The following EPB41L4B variants were observed in gnomAD, a reference collection of about 807,000 sequenced individuals.
The protein encoded by EPB41L4B is band 4.1-like protein 4B.
EPB41L4B carries 30 observed loss-of-function variants against 112.5 expected under a neutral mutation model. The ratio of observed to expected loss-of-function variants is 0.27; its 90% confidence interval spans 0.20 to 0.36. EPB41L4B has a LOEUF of 0.36. EPB41L4B is among the 10% of genes least tolerant of loss of function. The pLI, the probability that EPB41L4B is intolerant of heterozygous loss-of-function variation, is 1.00. For synonymous variants in EPB41L4B, 408 were observed against 439.7 expected, an observed-to-expected ratio of 0.93 and a Z score of 0.90; for missense variants, 1,024 against 1,133.3, an observed-to-expected ratio of 0.90 and a Z score of 1.38.
chr9:109,313,055 A>G (rs772408971), intron 1 of EPB41L4B, among the ~76,000 whole-genome samples: 6 of 152,058 alleles, frequency 3.9e-5, no homozygotes, highest in Non-Finnish European at 8.8e-5. Flanking sequence ...AGCCTGGGCA[A>G]TATAGTGAGA....
At chr9:109,202,104 T>C (rs890571117) in intron 19 of EPB41L4B, among the ~76,000 whole-genome samples, 5 of 151,644 alleles carry the variant, frequency 3.3e-5, no homozygotes, top group Non-Finnish European at 2.9e-5. Flanking sequence ...GGGAATAAGG[T>C]AGGAGAAAAG....
At chr9:109,291,752 G>A (rs553248503) in intron 1 of EPB41L4B, among the ~76,000 whole-genome samples, 202 of 152,288 alleles carry the variant, frequency 1.3e-3, no homozygotes, top group African/African-American at 4.8e-3. Context: ...CAGTTCCACG[G>A]ATGACCAGGG....
intron 1 of EPB41L4B, among the ~76,000 whole-genome samples, chr9:109,314,615 T>C (rs1837560825): frequency 7.1e-6 from 1 of 141,802 alleles, no homozygotes; most frequent in South Asian, 2.3e-4. Context: ...TTGGGAAGGG[T>C]GTTCATTACC....
In EPB41L4B at chr9:109,258,173, G is replaced by C. The variant is rs570800268; in HGVS notation, c.752+4C>G. The C allele has an allele frequency of 6.2e-7, 1 of 1,611,918 alleles. No individual in the cohort carries two copies. The highest frequency in any genetic ancestry group is 1.3e-5 in the African/African-American group (1 of 74,846). On this transcript the variant is annotated splice_donor_region_variant and intron_variant, in intron 7 of 25. Transcript: ENST00000374566. ...CAGAATGCTAGACGGTTGCATCAAGGTACCTGCACTCTTTCCATCTCTGGA... is the reference window on the plus strand; with the variant it reads ...CAGAATGCTAGACGGTTGCATCAAGCTACCTGCACTCTTTCCATCTCTGGA...
intron 1 of EPB41L4B, among the ~76,000 whole-genome samples, chr9:109,307,656 G>T (rs984939965): frequency 6.6e-6 from 1 of 152,242 alleles, no homozygotes; most frequent in Non-Finnish European, 1.5e-5. Context: ...TCGGTGAAAT[G>T]CCATGGAATG....
chr9:109,276,837 G>C (rs574515922), intron 2 of EPB41L4B, among the ~76,000 whole-genome samples: 1 of 152,312 alleles, frequency 6.6e-6, no homozygotes, highest in Admixed American at 6.5e-5. Context: ...AACAGGCATA[G>C]GTTCTAAGGG....
intron 22 of EPB41L4B, among the ~76,000 whole-genome samples, chr9:109,187,149 T>A (rs1017298056): frequency 2.6e-5 from 4 of 152,170 alleles, no homozygotes; most frequent in African/African-American, 4.8e-5. Context: ...AATATACACG[T>A]CTTTTATCTC....
At chr9:109,261,586 A>C (rs1051221575) in intron 6 of EPB41L4B, among the ~76,000 whole-genome samples, 2 of 152,180 alleles carry the variant, frequency 1.3e-5, no homozygotes, top group Non-Finnish European at 2.9e-5. Context: ...ATGAGTGTAC[A>C]CATGACAAAA....
intron 17 of EPB41L4B, among the ~76,000 whole-genome samples, chr9:109,210,933 T>C (rs1833144454): frequency 6.6e-6 from 1 of 152,214 alleles, no homozygotes; most frequent in Non-Finnish European, 1.5e-5. Context: ...TTTGATATTA[T>C]TATAGTTGGA....
chr9:109,241,409 C>A (rs1300146914), intron 15 of EPB41L4B: 3 of 1,229,804 alleles, frequency 2.4e-6, no homozygotes, highest in Non-Finnish European at 3.1e-6. Context: ...GACTTTGACT[C>A]CAATTTTAAA....
At chr9:109,316,831 G>A (rs1439826847) in intron 1 of EPB41L4B, among the ~76,000 whole-genome samples, 2 of 152,246 alleles carry the variant, frequency 1.3e-5, no homozygotes, top group Non-Finnish European at 2.9e-5. Context: ...GCCAAGCGCA[G>A]TGGCTCATGC....
chr9:109,214,969 A>G (rs1039277864), intron 16 of EPB41L4B, among the ~76,000 whole-genome samples: 36 of 152,290 alleles, frequency 2.4e-4, no homozygotes, highest in Non-Finnish European at 4.9e-4. Context: ...TGAGGCAGGG[A>G]CTAGGGCATG....
intron 15 of EPB41L4B, among the ~76,000 whole-genome samples, chr9:109,233,814 G>C (rs1169091824): frequency 6.6e-6 from 1 of 152,144 alleles, no homozygotes; most frequent in Non-Finnish European, 1.5e-5. Flanking sequence ...TTACAGGCAT[G>C]AGCCACCACG....
chr9:109,244,908 G>T (rs773515872), intron 14 of EPB41L4B, among the ~76,000 whole-genome samples: 3 of 152,188 alleles, frequency 2.0e-5, no homozygotes, highest in African/African-American at 7.2e-5. Flanking sequence ...CTGGCACAGA[G>T]AATCTCAGCA....
Position 109,217,010 on chromosome 9 carries a change from C to T in EPB41L4B, c.1545G>A (p.Gln515=). Residue 515 remains glutamine, a synonymous_variant, in exon 16 of 26, where the codon CAG becomes CAA. Coordinates refer to ENST00000374566, the MANE Select transcript of EPB41L4B (RefSeq NM_019114.5). ...HHQHQHQHQH[Q]HHSNYSLSLT... ...GTGAGAGGCTGTAGTTTGAGTGGTGCTGGTGCTGATGCTGATGCTGGTGCT... is the reference window on the plus strand; with the variant it reads ...GTGAGAGGCTGTAGTTTGAGTGGTGTTGGTGCTGATGCTGATGCTGGTGCT... 1 of 1,614,206 alleles carries T rather than the reference C, an allele frequency of 6.2e-7. No individual in the cohort carries two copies. The highest frequency in any genetic ancestry group is 8.5e-7 in the Non-Finnish European group (1 of 1,180,048).
intron 1 of EPB41L4B, among the ~76,000 whole-genome samples, chr9:109,288,328 A>G (rs1836377844): frequency 1.3e-5 from 2 of 152,110 alleles, no homozygotes; most frequent in African/African-American, 4.8e-5. Context: ...CACGTCTATA[A>G]TCCCAATAGT....
At chr9:109,187,923 C>T (rs1588121540) in intron 22 of EPB41L4B, among the ~76,000 whole-genome samples, 1 of 152,274 alleles carries the variant, frequency 6.6e-6, no homozygotes, top group South Asian at 2.1e-4. Flanking sequence ...AAAGAACATC[C>T]TGGGGCTCCC....
chr9:109,261,377 T>C (rs187033627), intron 6 of EPB41L4B, among the ~76,000 whole-genome samples: 3 of 152,224 alleles, frequency 2.0e-5, no homozygotes, highest in African/African-American at 7.2e-5. Context: ...AAGCATCTAC[T>C]ATATGCCAAG....
At chr9:109,314,334 C>A (rs1226136489) in intron 1 of EPB41L4B, among the ~76,000 whole-genome samples, 1 of 152,246 alleles carries the variant, frequency 6.6e-6, no homozygotes, top group Non-Finnish European at 1.5e-5. Context: ...CCCCATCGAC[C>A]TTCTGCTATT....
Sources: gnomAD v4.1 joint callset for allele counts (sites outside exome capture counted in the v4.1 genomes callset) on GRCh38, gnomAD v4.1.1 for gene constraint, MANE v1.5 for transcripts, NCBI Gene and HGNC (gene_info 2026-07-23, HGNC 2026-07-21) for gene names.